The following RNF180 variants were observed in gnomAD, a reference collection of about 807,000 sequenced individuals.
The protein encoded by RNF180 is E3 ubiquitin-protein ligase RNF180.
RNF180 carries 38 observed loss-of-function variants against 59.2 expected under a neutral mutation model. The observed-to-expected ratio is 0.64, with a 90% CI of 0.50 to 0.84. The LOEUF (loss-of-function observed/expected upper bound fraction) is 0.84. Among genes scored for constraint, RNF180 ranks in the 40% least tolerant of loss-of-function variants. The probability of loss-of-function intolerance (pLI) is 0.00; values close to 1 mark genes in which losing one functional copy is unlikely to be tolerated. For synonymous variants in RNF180, 262 were observed against 240.3 expected (o/e 1.09, Z -0.84); for missense variants, 705 against 700.9 (o/e 1.01, Z -0.07).
At chr5:64,206,496 G>C (rs979392825) in intron 2 of RNF180, among the ~76,000 whole-genome samples, 14 of 151,998 alleles carry the variant, frequency 9.2e-5, no homozygotes, top group Admixed American at 2.0e-4. Flanking sequence ...TATTCTGGTG[G>C]TATTTTTCCT....
chr5:64,172,770 A>C (rs936347576), intron 1 of RNF180, among the ~76,000 whole-genome samples: 1 of 152,176 alleles, frequency 6.6e-6, no homozygotes, highest in Non-Finnish European at 1.5e-5. Context: ...GGGTGTGCTC[A>C]AGTCTTGATG....
At chr5:64,342,507 C>T (rs1401770660) in intron 7 of RNF180, among the ~76,000 whole-genome samples, 1 of 152,152 alleles carries the variant, frequency 6.6e-6, no homozygotes, top group East Asian at 1.9e-4. Flanking sequence ...GTAAAAAAGG[C>T]TTAAAAAGTT....
chr5:64,250,502 A>C lies in RNF180; in HGVS notation c.1227+33106A>C, dbSNP rs150675507. Among the ~76,000 whole-genome samples the C allele has an allele frequency of 3.4e-3, 520 of 152,204 alleles. 2 individuals carry two copies. The highest frequency in any genetic ancestry group is 0.011 in the African/African-American group (472 of 41,546). On this transcript the variant is annotated intron_variant, in intron 5 of 7. Coordinates refer to ENST00000389100, the MANE Select transcript of RNF180 (RefSeq NM_001113561.2). ...TATTGGGGGTTTTTTTAAAGAGAAA[A>C]TCAACAAACCATTAGCTGGGCTAAC... is the stretch of plus-strand genomic sequence containing the variant.
At chr5:64,340,873 C>T (rs1357528479) in intron 7 of RNF180, among the ~76,000 whole-genome samples, 2 of 152,026 alleles carry the variant, frequency 1.3e-5, no homozygotes, top group African/African-American at 4.8e-5. Flanking sequence ...CACTTCATAA[C>T]TTATTTTAAA....
chr5:64,329,903 C>T (rs949853619), intron 6 of RNF180, among the ~76,000 whole-genome samples: 9 of 152,194 alleles, frequency 5.9e-5, no homozygotes, highest in Non-Finnish European at 1.3e-4. Flanking sequence ...TGCTGTGTGG[C>T]CCAGTTCCTA....
intron 1 of RNF180, among the ~76,000 whole-genome samples, chr5:64,183,105 G>C (rs1031008026): frequency 6.6e-6 from 1 of 152,096 alleles, no homozygotes; most frequent in African/African-American, 2.4e-5. Context: ...AAACTTCAAT[G>C]CATCTCACTC....
intron 5 of RNF180, among the ~76,000 whole-genome samples, chr5:64,223,852 G>C (rs761408264): frequency 5.9e-5 from 9 of 152,116 alleles, no homozygotes; most frequent in Non-Finnish European, 1.3e-4. Flanking sequence ...CCTGGAAATG[G>C]AAGTAGAGGG....
chr5:64,290,699 C>T (rs976801783), intron 5 of RNF180, among the ~76,000 whole-genome samples: 3 of 152,064 alleles, frequency 2.0e-5, no homozygotes, highest in Non-Finnish European at 2.9e-5. Context: ...ACTGCAACCC[C>T]TGCCTTTTTC....
intron 5 of RNF180, among the ~76,000 whole-genome samples, chr5:64,279,590 A>G (rs1042630432): frequency 6.6e-6 from 1 of 152,204 alleles, no homozygotes; most frequent in Non-Finnish European, 1.5e-5. Context: ...CTCTAGGAAG[A>G]TACATACTTA....
In RNF180 at chr5:64,217,533, A is replaced by G. The variant is rs569140217; in HGVS notation, c.1227+137A>G. 14 of 1,253,304 alleles carry G rather than the reference A, an allele frequency of 1.1e-5. No homozygotes were observed. In the South Asian group the frequency reaches 4.0e-4, roughly 35 times the overall value. The allele number at this position is 1,253,304 out of a possible 1,614,324, so 77.6% of individuals were successfully genotyped here. A position where few individuals can be genotyped will look rare whatever the true frequency, so the allele number is the denominator to read the frequency against. ...AAGCACTGGTATTCTCAGTGTTTTAAAATTTTAGTCATTCAAATACATAGA... is the reference window on the plus strand; with the variant it reads ...AAGCACTGGTATTCTCAGTGTTTTAGAATTTTAGTCATTCAAATACATAGA... On this transcript the variant is annotated intron_variant, in intron 5 of 7. Coordinates refer to ENST00000389100, the MANE Select transcript of RNF180 (RefSeq NM_001113561.2).
chr5:64,223,552 G>A (rs901068791), intron 5 of RNF180, among the ~76,000 whole-genome samples: 2 of 114,674 alleles, frequency 1.7e-5, no homozygotes, highest in Non-Finnish European at 3.5e-5. Flanking sequence ...GAGAAACTGA[G>A]TCTCTGGTTA....
At chr5:64,252,113 A>T (rs1466483067) in intron 5 of RNF180, among the ~76,000 whole-genome samples, 2 of 152,200 alleles carry the variant, frequency 1.3e-5, no homozygotes. Flanking sequence ...GAACAAAACT[A>T]CCTTTCTTCA....
At chr5:64,243,831 A>C (rs1742978723) in intron 5 of RNF180, among the ~76,000 whole-genome samples, 1 of 152,136 alleles carries the variant, frequency 6.6e-6, no homozygotes, top group Non-Finnish European at 1.5e-5. Context: ...GACACCTCAT[A>C]CAGGACAGTT....
At chr5:64,331,802 C>T (rs1188677193) in intron 7 of RNF180, among the ~76,000 whole-genome samples, 1 of 152,148 alleles carries the variant, frequency 6.6e-6, no homozygotes, top group African/African-American at 2.4e-5. Context: ...AGCTGCAGCC[C>T]TTTGAGGAGC....
At chr5:64,294,504 G>T (rs1742782348) in intron 5 of RNF180, among the ~76,000 whole-genome samples, 1 of 152,090 alleles carries the variant, frequency 6.6e-6, no homozygotes, top group Non-Finnish European at 1.5e-5. Context: ...TAGCAACCAT[G>T]TATTACTTTT....
chr5:64,211,381 T>A (rs1752301909), intron 2 of RNF180, among the ~76,000 whole-genome samples: 1 of 152,130 alleles, frequency 6.6e-6, no homozygotes, highest in Non-Finnish European at 1.5e-5. Context: ...GGTTTATTTT[T>A]GTTTGTCCCC....
intron 7 of RNF180, among the ~76,000 whole-genome samples, chr5:64,362,964 A>G (rs1013535814): frequency 8.0e-5 from 12 of 149,088 alleles, no homozygotes; most frequent in African/African-American, 3.1e-4. Flanking sequence ...AGTGCCTTAT[A>G]GAGGCTGGAT....
At chr5:64,344,255 T>C (rs920143198) in intron 7 of RNF180, among the ~76,000 whole-genome samples, 4 of 152,044 alleles carry the variant, frequency 2.6e-5, no homozygotes, top group Admixed American at 6.6e-5. Context: ...TAGAAAATTA[T>C]ATATATGTAA....
intron 5 of RNF180, among the ~76,000 whole-genome samples, chr5:64,311,587 CCTTA>C (rs997767807): frequency 1.3e-5 from 2 of 151,968 alleles, no homozygotes; most frequent in African/African-American, 4.8e-5. Context: ...GCTCCAAAGT[CCTTA>C]CTGTTTTTGA....
Sources: allele counts gnomAD v4.1 joint callset (sites outside exome capture counted in the v4.1 genomes callset), GRCh38; gene constraint gnomAD v4.1.1; transcripts MANE v1.5; gene names NCBI Gene and HGNC (gene_info 2026-07-23, HGNC 2026-07-21).